AGMO: variants seen among roughly 807,000 people sequenced by gnomAD.
The protein encoded by AGMO is alkylglycerol monooxygenase.
A neutral mutation model predicts 60.2 loss-of-function variants in AGMO; 75 were observed. That is an observed-to-expected ratio of 1.25 (90% CI 1.03 to 1.51). The LOEUF (loss-of-function observed/expected upper bound fraction) is 1.51. AGMO is among the 40% of genes most tolerant of loss of function. The pLI, the probability that AGMO is intolerant of heterozygous loss-of-function variation, is 0.00. For synonymous variants in AGMO, 261 were observed against 177.1 expected, an observed-to-expected ratio of 1.47 and a Z score of -3.76; for missense variants, 763 against 525.5, an observed-to-expected ratio of 1.45 and a Z score of -4.42.
intron 12 of AGMO, among the ~76,000 whole-genome samples, chr7:15,264,502 T>C (rs1338291790): frequency 6.6e-6 from 1 of 152,044 alleles, no homozygotes; most frequent in Non-Finnish European, 1.5e-5. Context: ...ACAAATAGAA[T>C]AATATCAATT....
intron 12 of AGMO, among the ~76,000 whole-genome samples, chr7:15,292,487 T>C (rs1784292657): frequency 6.6e-6 from 1 of 152,164 alleles, no homozygotes; most frequent in African/African-American, 2.4e-5. Flanking sequence ...GCATTAACAA[T>C]GATGCAAAAT....
At chr7:15,336,849 G>T (rs1232060021) in intron 12 of AGMO, among the ~76,000 whole-genome samples, 1 of 152,108 alleles carries the variant, frequency 6.6e-6, no homozygotes, top group African/African-American at 2.4e-5. Flanking sequence ...GGCAAATCAA[G>T]ATGGCCTAAA....
Position 15,557,751 on chromosome 7 carries a change from C to G in AGMO, c.257+2390G>C, listed in dbSNP as rs181429926. Reference sequence around the variant, plus strand: ...TTCCTTGAAAAACTTTTTAAAAATCCACATTTCATAATTTAGAATTGTTCT... The same window carrying G: ...TTCCTTGAAAAACTTTTTAAAAATCGACATTTCATAATTTAGAATTGTTCT... On this transcript the variant is annotated intron_variant, in intron 2 of 12. Coordinates refer to ENST00000342526, the MANE Select transcript of AGMO (RefSeq NM_001004320.2). Among the ~76,000 whole-genome samples the G allele has an allele frequency of 4.8e-3, 722 of 151,994 alleles. 4 individuals are homozygous for G. The highest frequency in any genetic ancestry group is 0.017 in the African/African-American group (686 of 41,474).
rs1554422706 is a variant in AGMO, at chr7:15,354,438, A to ATACACGTGTGTG, written c.1263+11075_1263+11076insCACACACGTGTA. On this transcript the variant is annotated intron_variant, in intron 12 of 12. Transcript: ENST00000342526. ...TGTGTGTATACACACACGTGTGTGT[A>ATACACGTGTGTG]TACACACGTGTGTGTATACACACGT... Among the ~76,000 whole-genome samples the ATACACGTGTGTG allele has an allele frequency of 4.5e-4, 9 of 19,826 alleles. 1 individual carries two copies. Among genetic ancestry groups the ATACACGTGTGTG allele is most frequent in the African/African-American group, 3.6e-3 (7 of 1,948 alleles). The allele number at this position is 19,826 out of a possible 152,430, so 13.0% of individuals were successfully genotyped here.
chr7:15,332,359 G>T (rs920928261), intron 12 of AGMO, among the ~76,000 whole-genome samples: 1 of 152,240 alleles, frequency 6.6e-6, no homozygotes, highest in Non-Finnish European at 1.5e-5. Context: ...CATCTAAACT[G>T]TTAAACGTAA....
the AGMO span, among the ~76,000 whole-genome samples, chr7:15,121,732 A>G: frequency 6.6e-6 from 1 of 152,128 alleles, no homozygotes; most frequent in Non-Finnish European, 1.5e-5. Context: ...AAACTGATAT[A>G]TAGACCAATG....
At chr7:15,191,986 C>T in the AGMO span, among the ~76,000 whole-genome samples, 2 of 151,686 alleles carry the variant, frequency 1.3e-5, no homozygotes, top group African/African-American at 2.4e-5. Context: ...CACACACACA[C>T]ACACACACAC....
rs186244677 is a variant in AGMO at position 15,302,481 on chromosome 7, C to T, written c.1263+63033G>A. 4.2e-4 allele frequency among the ~76,000 whole-genome samples: 64 copies of T among 152,126 alleles called. No individual in the cohort carries two copies. The East Asian group carries it at 0.012, about 28-fold the overall frequency. ...TTATTTCAAAATTTATTATTTTGTT[C>T]TAACTCTAGAACTTAATAAGAACAA... On this transcript the variant is annotated intron_variant, in intron 12 of 12. Coordinates refer to ENST00000342526, the MANE Select transcript of AGMO (RefSeq NM_001004320.2).
At chr7:15,167,363 C>T in the AGMO span, among the ~76,000 whole-genome samples, 4 of 152,136 alleles carry the variant, frequency 2.6e-5, 1 homozygote, top group African/African-American at 2.4e-5. Context: ...TAGCTTCTTT[C>T]GGACTTTATT....
intron 5 of AGMO, among the ~76,000 whole-genome samples, chr7:15,412,550 A>T (rs775933790): frequency 1.1e-4 from 16 of 151,786 alleles, no homozygotes; most frequent in Admixed American, 2.6e-4. Context: ...CTGATGAAAA[A>T]CTCAGAGGTT....
At chr7:15,161,542 A>G in the AGMO span, among the ~76,000 whole-genome samples, 202 of 151,818 alleles carry the variant, frequency 1.3e-3, no homozygotes, top group Middle Eastern at 3.5e-3. Context: ...TCATATATGC[A>G]TTAATACATA....
intron 12 of AGMO, among the ~76,000 whole-genome samples, chr7:15,207,242 C>T (rs1375360441): frequency 6.6e-6 from 1 of 152,126 alleles, no homozygotes; most frequent in Non-Finnish European, 1.5e-5. Flanking sequence ...CATGTAAACC[C>T]ATCTGGTTAA....
intron 12 of AGMO, among the ~76,000 whole-genome samples, chr7:15,336,899 C>T (rs537596670): frequency 2.9e-4 from 44 of 152,210 alleles, no homozygotes; most frequent in African/African-American, 1.0e-3. Flanking sequence ...TTTCTCAAAC[C>T]ACATAAAACC....
At chr7:15,221,508 C>T (rs969437418) in intron 12 of AGMO, among the ~76,000 whole-genome samples, 11 of 152,140 alleles carry the variant, frequency 7.2e-5, no homozygotes, top group African/African-American at 2.4e-4. Context: ...TGACTATAGA[C>T]GTAATCCCCT....
chr7:15,203,542 C>CT (rs1234290505), intron 12 of AGMO, among the ~76,000 whole-genome samples: 4 of 150,122 alleles, frequency 2.7e-5, no homozygotes, highest in Non-Finnish European at 5.9e-5. Flanking sequence ...TTTCAGGCTC[C>CT]TATGTGTTAT....
At chr7:15,513,318 C>A (rs960606229) in intron 3 of AGMO, among the ~76,000 whole-genome samples, 7 of 144,448 alleles carry the variant, frequency 4.8e-5, no homozygotes, top group Non-Finnish European at 9.1e-5. Context: ...TGTGGATACA[C>A]CTGGCATTGT....
At chr7:15,263,777 A>C (rs78477882) in intron 12 of AGMO, among the ~76,000 whole-genome samples, 1 of 152,144 alleles carries the variant, frequency 6.6e-6, no homozygotes, top group South Asian at 2.1e-4. Flanking sequence ...CCTGGATGGA[A>C]TTGGAGACTA....
intron 12 of AGMO, among the ~76,000 whole-genome samples, chr7:15,339,363 G>A (rs1050989139): frequency 2.0e-5 from 3 of 152,102 alleles, no homozygotes; most frequent in African/African-American, 7.2e-5. Context: ...TTAATTTGAA[G>A]ACATGATTGT....
chr7:15,342,914 C>A (rs1269785081), intron 12 of AGMO, among the ~76,000 whole-genome samples: 1 of 150,822 alleles, frequency 6.6e-6, no homozygotes. Context: ...ATAATAGGTA[C>A]TAAAAGGCTT....
Sources: gnomAD v4.1 joint callset for allele counts (sites outside exome capture counted in the v4.1 genomes callset) on GRCh38, gnomAD v4.1.1 for gene constraint, MANE v1.5 for transcripts, NCBI Gene and HGNC (gene_info 2026-07-23, HGNC 2026-07-21) for gene names.